The following HMCN1 variants were observed in gnomAD, a reference collection of about 807,000 sequenced individuals.
The protein encoded by HMCN1 is hemicentin 1.
HMCN1 carries 321 observed loss-of-function variants against 625.9 expected under a neutral mutation model. The ratio of observed to expected loss-of-function variants is 0.51; its 90% CI spans 0.47 to 0.56. The LOEUF is 0.56. Among genes scored for constraint, HMCN1 ranks in the 20% least tolerant of loss-of-function variants. HMCN1 has a pLI of 0.00. For missense variants in HMCN1, 6,588 were observed against 6,887.3 expected, an observed-to-expected ratio of 0.96 and a Z score of 1.54; for synonymous variants, 2,425 against 2,417.6, an observed-to-expected ratio of 1.00 and a Z score of -0.09.
chr1:186,052,839 A>G (rs1657050861), intron 42 of HMCN1, 113 bp from the exon 43 acceptor site: 2 of 907,566 alleles, frequency 2.2e-6, no homozygotes, highest in Non-Finnish European at 3.6e-6. Flanking sequence ...TCAACCTCAT[A>G]TGACAATTTC....
At position 186,001,635 on chromosome 1, in the gene HMCN1, G is replaced by T. The variant is rs1485919968; in HGVS notation, c.4242G>T (p.Lys1414Asn). The stretch of plus-strand genomic sequence containing the variant: ...CTATTCAGACTGTGAACAATGGGAA[G>T]ATACTGAAGCTCTTCAGAGCCACTC... ...SSTIQTVNNG[K>N]ILKLFRATPE... The change falls in exon 28 of 107, where the codon AAG becomes AAT. Residue 1414 changes from lysine to asparagine, a missense_variant. By Grantham distance (94) the Lys-to-Asn change is moderately conservative. Transcript: ENST00000271588. The T allele has an allele frequency of 1.2e-6, 2 of 1,613,082 alleles. No individual in the cohort carries two copies. The highest frequency in any genetic ancestry group is 2.7e-5 in the African/African-American group (2 of 74,864).
At chr1:185,949,105 A>G (rs1433260809) in intron 11 of HMCN1, among the ~76,000 whole-genome samples, 2 of 151,952 alleles carry the variant, frequency 1.3e-5, no homozygotes, top group Non-Finnish European at 2.9e-5. Flanking sequence ...GAGATTCAGC[A>G]TAGTCCTGCC....
At position 186,137,903 on chromosome 1, in the gene HMCN1, C is replaced by A. The variant is rs137942830; in HGVS notation, c.13855C>A (p.Gln4619Lys). Residue 4619 changes from glutamine (Q) to lysine (K), a missense_variant, in exon 89 of 107, where the codon CAG becomes AAG. By Grantham distance (53) the Gln-to-Lys change is moderately conservative. Transcript: ENST00000271588. ...RTRTCNNPSV[Q>K]HGGRPCEGNA... ...CAGGACTTGCAATAATCCATCAGTT[C>A]AGCATGGTGGGCGGCCATGTGAAGG... 100 of 1,614,110 alleles carry A rather than the reference C, an allele frequency of 6.2e-5. No individual in the cohort carries two copies. In the African/African-American group the frequency reaches 1.2e-3, roughly 19 times the overall value.
intron 4 of HMCN1, among the ~76,000 whole-genome samples, chr1:185,892,140 G>A (rs147584746): frequency 2.7e-5 from 4 of 147,462 alleles, no homozygotes; most frequent in African/African-American, 8.1e-5. Context: ...CGTAGTTCTC[G>A]AGCCTTGGTT....
intron 1 of HMCN1, among the ~76,000 whole-genome samples, chr1:185,754,791 T>C (rs1333453780): frequency 6.6e-6 from 1 of 151,974 alleles, no homozygotes; most frequent in African/African-American, 2.4e-5. Flanking sequence ...GAGGTTGCAG[T>C]GAGCCATAAT....
chr1:186,042,525 G>C (rs1361257849), intron 40 of HMCN1, among the ~76,000 whole-genome samples: 1 of 152,092 alleles, frequency 6.6e-6, no homozygotes, highest in African/African-American at 2.4e-5. Flanking sequence ...TATTTTCCAG[G>C]AATTACAGAA....
In HMCN1 at chr1:186,007,158, A is replaced by G. The variant is rs2102094572; in HGVS notation, c.4506A>G (p.Glu1502=). The stretch of plus-strand genomic sequence containing the variant: ...TATTTTTGGGCGATCCTAATGTTGA[A>G]CTTCTAGACAGAGGACAAGTCTTAC... ...KPLFLGDPNV[E]LLDRGQVLHL... Residue 1502 remains glutamate, a synonymous_variant, in exon 30 of 107, where the codon GAA becomes GAG. Transcript: ENST00000271588. 6.2e-6 allele frequency: 10 copies of G among 1,613,250 alleles called. No individual in the cohort carries two copies. Among genetic ancestry groups the G allele is most frequent in the East Asian group, 4.5e-5 (2 of 44,828 alleles).
rs368677587 is a variant in HMCN1 at position 185,859,183 on chromosome 1, T to C, written c.340-5287T>C. Among the ~76,000 whole-genome samples the C allele has an allele frequency of 1.1e-4, 17 of 151,892 alleles. No homozygotes were observed. The East Asian group carries it at 2.3e-3, about 21-fold the overall frequency. On this transcript the variant is annotated intron_variant, in intron 2 of 106. Coordinates refer to ENST00000271588, the MANE Select transcript of HMCN1 (RefSeq NM_031935.3). ...GTGTATAAGCAAAGGGAATAATTTG[T>C]AGATTTTTGGAGTAAGTTGTACCTT...
In HMCN1 at chr1:186,062,747, A is replaced by G. The variant is rs988654739; in HGVS notation, c.7513+147A>G. On this transcript the variant is annotated intron_variant, in intron 48 of 106. Coordinates refer to ENST00000271588, the MANE Select transcript of HMCN1 (RefSeq NM_031935.3). ...ATATATTGAGTACTGGTGAAGTCTC[A>G]GTGATGGTAAACATTACCCAAGTAG... is the stretch of plus-strand genomic sequence containing the variant. 2.5e-5 allele frequency: 17 copies of G among 686,546 alleles called. No individual in the cohort carries two copies. The highest frequency in any genetic ancestry group is 8.0e-6 in the Non-Finnish European group (3 of 376,102). The allele number at this position is 686,546 out of a possible 1,614,324, so 42.5% of individuals were successfully genotyped here.
chr1:186,171,582 C>T lies in HMCN1; in HGVS notation c.15688+132C>T, dbSNP rs529592941. ...ATCAAGCATGCAGCATGTATGCAAT[C>T]CATGCAAAACCAAAATGACAAAAAA... is the stretch of plus-strand genomic sequence containing the variant. On this transcript the variant is annotated intron_variant, in intron 101 of 106. Transcript: ENST00000271588. 95 of 719,096 alleles carry T rather than the reference C, an allele frequency of 1.3e-4. 1 individual carries two copies. The East Asian group carries it at 2.4e-3, about 18-fold the overall frequency. The allele number at this position is 719,096 out of a possible 1,614,324, so 44.5% of individuals were successfully genotyped here. A position where few individuals can be genotyped will look rare whatever the true frequency, so the allele number is the denominator to read the frequency against.
At chr1:185,834,670 G>A (rs1000204933) in intron 1 of HMCN1, among the ~76,000 whole-genome samples, 5 of 152,226 alleles carry the variant, frequency 3.3e-5, no homozygotes, top group South Asian at 4.1e-4. Context: ...AGGGCATTAC[G>A]TCCAGCCTAT....
Position 186,114,033 on chromosome 1 carries a change from C to A in HMCN1, c.11186C>A (p.Ser3729Ter). Residue 3729 changes from serine to a stop codon, truncating the protein, a stop_gained, in exon 73 of 107, where the codon TCA becomes TAA. Transcript: ENST00000271588. LOFTEE classifies it high-confidence loss of function. ...AGCCTTGTAATTCTTTTAAATAAGTCAACTGTATTGGAATGCATCGCTGAA... is the reference window on the plus strand; with the variant it reads ...AGCCTTGTAATTCTTTTAAATAAGTAAACTGTATTGGAATGCATCGCTGAA... ...PQSLVILLNK[S>*]TVLECIAEGV... 6.2e-7 allele frequency: 1 copy of A among 1,614,054 alleles called. No homozygotes were observed. The highest frequency in any genetic ancestry group is 1.1e-5 in the South Asian group (1 of 91,080).
At chr1:185,841,688 C>G (rs1300877131) in intron 1 of HMCN1, among the ~76,000 whole-genome samples, 3 of 152,142 alleles carry the variant, frequency 2.0e-5, no homozygotes, top group African/African-American at 7.2e-5. Flanking sequence ...ATCATAGTAT[C>G]ATATGGTAGA....
At position 185,784,001 on chromosome 1, in the gene HMCN1, C is replaced by T. The variant is rs527531469; in HGVS notation, c.268+48954C>T. ...AGCTGCGGTGGGCTCCACCCAGTTC[C>T]CAGTTCGAGCTTCCAGTCTGCTTTG... On this transcript the variant is annotated intron_variant, in intron 1 of 106. Coordinates refer to ENST00000271588, the MANE Select transcript of HMCN1 (RefSeq NM_031935.3). 9.1e-4 allele frequency among the ~76,000 whole-genome samples: 138 copies of T among 152,332 alleles called. 1 individual carries two copies. The highest frequency in any genetic ancestry group is 3.2e-3 in the African/African-American group (135 of 41,586).
rs1256807110 is a variant in HMCN1 at position 186,061,897 on chromosome 1, C to T, written c.7359C>T (p.Gly2453=). ...TGCAGACCACAATGGAAGATGCTGGCCAATATACTTGCGTTGTAAGGAATG... is the reference window on the plus strand; with the variant it reads ...TGCAGACCACAATGGAAGATGCTGGTCAATATACTTGCGTTGTAAGGAATG... ...RLMQTTMEDA[G]QYTCVVRNAA... is the part of the protein sequence containing the mutation. Residue 2453 remains glycine (G), a synonymous_variant, in exon 47 of 107, where the codon GGC becomes GGT. Transcript: ENST00000271588. 6.2e-7 allele frequency: 1 copy of T among 1,612,874 alleles called. No homozygotes were observed.
At chr1:185,952,442 C>G (rs1649266045) in intron 11 of HMCN1, among the ~76,000 whole-genome samples, 1 of 151,402 alleles carries the variant, frequency 6.6e-6, no homozygotes. Flanking sequence ...ACTGAGGGGA[C>G]AGGTGGGAGG....
chr1:185,978,972 T>C lies in HMCN1; in HGVS notation c.2566+991T>C, dbSNP rs548216750. On this transcript the variant is annotated intron_variant, in intron 16 of 106. Transcript: ENST00000271588. ...CTGGGATTGCTGTCGTGAACCACCA[T>C]GTCTGGCCCAAGTTTATTAACAATA... 4.8e-4 allele frequency among the ~76,000 whole-genome samples: 73 copies of C among 152,296 alleles called. 2 individuals are homozygous for C. The South Asian group carries it at 0.013, about 26-fold the overall frequency.
intron 1 of HMCN1, among the ~76,000 whole-genome samples, chr1:185,777,412 T>C (rs1656690773): frequency 1.3e-4 from 20 of 152,260 alleles, no homozygotes; most frequent in Admixed American, 1.2e-3. Context: ...ATTATTGGGA[T>C]CTCAGTATGC....
At chr1:186,000,790 C>T (rs145777384) in intron 26 of HMCN1, among the ~76,000 whole-genome samples, 1,958 of 151,336 alleles carry the variant, frequency 0.013, 49 homozygotes, top group African/African-American at 0.044. Context: ...AGATACACAA[C>T]GATTTATTTA....
Sources: allele counts gnomAD v4.1 joint callset (sites outside exome capture counted in the v4.1 genomes callset), GRCh38; gene constraint gnomAD v4.1.1; transcripts MANE v1.5; gene names NCBI Gene and HGNC (gene_info 2026-07-23, HGNC 2026-07-21).